Variants in DNMT3A observed in about 807,000 individuals in gnomAD.
The protein encoded by DNMT3A is DNA (cytosine-5)-methyltransferase 3A.
DNMT3A carries 267 observed loss-of-function variants against 117.6 expected under a neutral mutation model. The ratio of observed to expected loss-of-function variants is 2.27; its 90% confidence interval spans 2.05 to 2.51. The LOEUF (loss-of-function observed/expected upper bound fraction) is 2.51. DNMT3A is among the 30% of genes most tolerant of loss of function. DNMT3A has a pLI of 0.00. For missense variants in DNMT3A, 1,029 were observed against 1,260.2 expected, an observed-to-expected ratio of 0.82 and a Z score of 2.78; for synonymous variants, 432 against 474.8, an observed-to-expected ratio of 0.91 and a Z score of 1.17.
intron 19 of DNMT3A, 117 bp from the exon 20 acceptor site, chr2:25,239,332 C>G: frequency 2.3e-6 from 2 of 857,438 alleles, no homozygotes; most frequent in Non-Finnish European, 3.8e-6. Context: ...TCAGGAGCCA[C>G]ACACTGGGCT....
In DNMT3A at chr2:25,339,492, G is replaced by A. The variant is rs1282256950; in HGVS notation, c.-178+2334C>T. ...AATCCGCAGCTGCTTATCTGGGGAG[G>A]AGCTGCACAGAGGAGGGGGACCCAC... On this transcript the variant is annotated intron_variant, in intron 1 of 22. Transcript: ENST00000321117. The surrounding 1 kb of genome is among the most constrained non-coding windows in gnomAD (Gnocchi z 4.9). Among the ~76,000 whole-genome samples, 1 of 152,188 alleles carries A rather than the reference G, an allele frequency of 6.6e-6. No individual in the cohort carries two copies. Among genetic ancestry groups the A allele is most frequent in the Non-Finnish European group, 1.5e-5 (1 of 68,016 alleles).
intron 20 of DNMT3A, among the ~76,000 whole-genome samples, chr2:25,238,340 GA>G (rs1673595881): frequency 6.6e-6 from 1 of 152,164 alleles, no homozygotes; most frequent in African/African-American, 2.4e-5. Flanking sequence ...GAATAGCAAG[GA>G]GGGAGATTAT....
chr2:25,332,643 C>T (rs888227986), intron 1 of DNMT3A, among the ~76,000 whole-genome samples: 7 of 152,222 alleles, frequency 4.6e-5, no homozygotes, highest in Non-Finnish European at 1.5e-5. Flanking sequence ...CCATGCCGTG[C>T]CCTGGCTCCC....
At chr2:25,272,376 C>CT (rs1262156674) in intron 6 of DNMT3A, among the ~76,000 whole-genome samples, 1 of 152,152 alleles carries the variant, frequency 6.6e-6, no homozygotes, top group East Asian at 1.9e-4. Flanking sequence ...GGAAAGAACC[C>CT]TTTTTTTCAC....
chr2:25,257,288 C>A lies in DNMT3A; in HGVS notation c.640-9036G>T, dbSNP rs548470025. On this transcript the variant is annotated intron_variant, in intron 6 of 22. Coordinates refer to ENST00000321117, the MANE Select transcript of DNMT3A (RefSeq NM_022552.5). This position sits in a 1 kb window ranked among gnomAD's most constrained non-coding sequence, Gnocchi z 4.8. ...GAGCAGAGGGGTCCAAAGGCTCGCA[C>A]CTAGCGGTGTTCTGCCTTCTGGCAG... Among the ~76,000 whole-genome samples the A allele has an allele frequency of 8.5e-5, 13 of 152,332 alleles. No individual in the cohort carries two copies. The highest frequency in any genetic ancestry group is 2.6e-4 in the African/African-American group (11 of 41,570).
At position 25,327,312 on chromosome 2, in the gene DNMT3A, G is replaced by A. The variant is rs575551015; in HGVS notation, c.-177-13151C>T. Among the ~76,000 whole-genome samples, 10 of 152,144 alleles carry A rather than the reference G, an allele frequency of 6.6e-5. No homozygotes were observed. Among genetic ancestry groups the A allele is most frequent in the South Asian group, 6.2e-4 (3 of 4,816 alleles). On this transcript the variant is annotated intron_variant, in intron 1 of 22. Transcript: ENST00000321117. The surrounding 1 kb of genome is among the most constrained non-coding windows in gnomAD (Gnocchi z 4.1). ...GACCCTGACTGATACAGTCACCCGC[G>A]GCCCCAAAGGGCTTTTTTCCATCCT...
At chr2:25,235,347 G>A (rs1673234074) in intron 22 of DNMT3A, among the ~76,000 whole-genome samples, 1 of 152,112 alleles carries the variant, frequency 6.6e-6, no homozygotes, top group African/African-American at 2.4e-5. Context: ...ACCACACCCA[G>A]CTAATTTTTG....
rs575512744 is a variant in DNMT3A at position 25,325,785 on chromosome 2, C to T, written c.-177-11624G>A. ...ATTGCTGATCAGCCACAGAGCCAAG[C>T]AAGACTGTGTCTGGAACCCAGCGAA... On this transcript the variant is annotated intron_variant, in intron 1 of 22. Transcript: ENST00000321117. Among the ~76,000 whole-genome samples the T allele has an allele frequency of 5.0e-4, 76 of 152,328 alleles. 1 individual carries two copies. In the South Asian group the frequency reaches 0.015, roughly 30 times the overall value.
At chr2:25,278,098 C>A (rs1313247608) in intron 4 of DNMT3A, among the ~76,000 whole-genome samples, 1 of 151,702 alleles carries the variant, frequency 6.6e-6, no homozygotes, top group Non-Finnish European at 1.5e-5. Flanking sequence ...TGTCGTGAGT[C>A]AGGGAGGGTC....
chr2:25,336,524 G>C (rs1327613670), intron 1 of DNMT3A, among the ~76,000 whole-genome samples: 1 of 152,080 alleles, frequency 6.6e-6, no homozygotes, highest in East Asian at 1.9e-4. Context: ...TTTAAACCCT[G>C]TTCTGTTGCT....
At chr2:25,328,549 G>A in intron 1 of DNMT3A, 1 of 447,252 alleles carries the variant, frequency 2.2e-6, no homozygotes, top group South Asian at 1.6e-5. Context: ...AAAGAGACGA[G>A]GTCAGAGTTC....
Position 25,231,330 on chromosome 2 carries a change from T to C in DNMT3A, c.*2949A>G, listed in dbSNP as rs2149246747. 1 of 152,440 alleles carries C rather than the reference T, an allele frequency of 6.6e-6. No individual in the cohort carries two copies. Among genetic ancestry groups the C allele is most frequent in the East Asian group, 1.9e-4 (1 of 5,180 alleles). The allele number at this position is 152,440 out of a possible 1,614,324, so 9.4% of individuals were successfully genotyped here. A position where few individuals can be genotyped will look rare whatever the true frequency, so the allele number is the denominator to read the frequency against. On this transcript the variant is annotated 3_prime_UTR_variant, in exon 23 of 23. Coordinates refer to ENST00000321117, the MANE Select transcript of DNMT3A (RefSeq NM_022552.5). The stretch of plus-strand genomic sequence containing the variant: ...AGGGGGCAGAGGCTCCCTTCCTCGC[T>C]GCTCCAGCCCCACAGCAGCCCAGTC...
chr2:25,247,790 G>A lies in DNMT3A; in HGVS notation c.856-41C>T, dbSNP rs773331757. 19 of 1,601,306 alleles carry A rather than the reference G, an allele frequency of 1.2e-5. No homozygotes were observed. In the Admixed American group the frequency reaches 1.5e-4, roughly 13 times the overall value. ...GCAGAAATCATTACACAGTGGTCAC[G>A]AGGCCCTGCCACCCTGATCCCCCCA... On this transcript the variant is annotated intron_variant, in intron 7 of 22. Coordinates refer to ENST00000321117, the MANE Select transcript of DNMT3A (RefSeq NM_022552.5). The surrounding 1 kb of genome is among the most constrained non-coding windows in gnomAD (Gnocchi z 5.6).
chr2:25,341,370 G>C (rs968139072), intron 1 of DNMT3A, among the ~76,000 whole-genome samples: 1 of 145,434 alleles, frequency 6.9e-6, no homozygotes, highest in Non-Finnish European at 1.5e-5. Flanking sequence ...CCGGCGCCCT[G>C]GCCGCGGGCT....
chr2:25,248,423 G>C (rs558538145), intron 6 of DNMT3A, among the ~76,000 whole-genome samples, 171 bp from the exon 7 acceptor site: 2 of 152,328 alleles, frequency 1.3e-5, no homozygotes, highest in South Asian at 2.1e-4. Flanking sequence ...TTGAAGTAGA[G>C]AGGTGAACTC....
At position 25,305,206 on chromosome 2, in the gene DNMT3A, CAA is replaced by C. The variant is rs1293553903; in HGVS notation, c.73-4965_73-4964del. Among the ~76,000 whole-genome samples the C allele has an allele frequency of 2.0e-5, 3 of 152,224 alleles. No individual in the cohort carries two copies. The highest frequency in any genetic ancestry group is 2.9e-5 in the Non-Finnish European group (2 of 68,030). ...ATCTTTACGATTCCAGATTAGGAAA[CAA>C]GAGGACTAAAACGTCCCTTCTAGAC... is the stretch of plus-strand genomic sequence containing the variant. On this transcript the variant is annotated intron_variant, in intron 2 of 22. Coordinates refer to ENST00000321117, the MANE Select transcript of DNMT3A (RefSeq NM_022552.5). This position sits in a 1 kb window ranked among gnomAD's most constrained non-coding sequence, Gnocchi z 4.1.
chr2:25,338,929 C>A (rs1400345653), intron 1 of DNMT3A, among the ~76,000 whole-genome samples: 1 of 152,130 alleles, frequency 6.6e-6, no homozygotes, highest in Admixed American at 6.5e-5. Flanking sequence ...CAGAAATTAT[C>A]CACACACAGG....
chr2:25,246,027 GTTCCGGCACTTCT>G lies in DNMT3A; in HGVS notation c.1454_1466del (p.Gln485ProfsTer162). ...CCCAGGCAACAAACTTACCCTCAATGTTCCGGCACTTCTGCCGCACCTCGTACACCAGCCGCTC... is the reference window on the plus strand; with the variant it reads ...CCCAGGCAACAAACTTACCCTCAATGGCCGCACCTCGTACACCAGCCGCTC... On this transcript the variant is annotated frameshift_variant, in exon 12 of 23. Coordinates refer to ENST00000321117, the MANE Select transcript of DNMT3A (RefSeq NM_022552.5). LOFTEE classifies it high-confidence loss of function. 6.2e-7 allele frequency: 1 copy of G among 1,614,060 alleles called. No individual in the cohort carries two copies. The highest frequency in any genetic ancestry group is 8.5e-7 in the Non-Finnish European group (1 of 1,179,920).
chr2:25,323,748 GTACT>G (rs1378230184), intron 1 of DNMT3A, among the ~76,000 whole-genome samples: 6 of 152,222 alleles, frequency 3.9e-5, no homozygotes, highest in Non-Finnish European at 8.8e-5. Context: ...GCAGGAGCTT[GTACT>G]TAAGCTCCTC....
Sources: allele counts gnomAD v4.1 joint callset (sites outside exome capture counted in the v4.1 genomes callset), GRCh38; gene constraint gnomAD v4.1.1; non-coding constraint Gnocchi (gnomAD v3.1); transcripts MANE v1.5; gene names NCBI Gene and HGNC (gene_info 2026-07-23, HGNC 2026-07-21).